Variants in FAT3 observed in about 807,000 individuals in gnomAD.
FAT3 encodes FAT atypical cadherin 3.
FAT3 carries 95 observed loss-of-function variants against 310.2 expected under a neutral mutation model. That is an observed-to-expected ratio of 0.31 (90% CI 0.26 to 0.36). The LOEUF (loss-of-function observed/expected upper bound fraction) is 0.36. FAT3 is among the 10% of genes least tolerant of loss of function. The pLI is 1.00. For missense variants in FAT3, 5,408 were observed against 5,715.6 expected (o/e 0.95, Z 1.74); for synonymous variants, 2,314 against 2,192.9 (o/e 1.06, Z -1.54).
intron 2 of FAT3, among the ~76,000 whole-genome samples, chr11:92,390,247 A>C (rs1413251849): frequency 6.6e-6 from 1 of 152,152 alleles, no homozygotes; most frequent in Non-Finnish European, 1.5e-5. Context: ...TCCTCCCAAG[A>C]CTAGGATCCT....
At chr11:92,288,650 A>G (rs1946616492) in intron 1 of FAT3, among the ~76,000 whole-genome samples, 1 of 152,184 alleles carries the variant, frequency 6.6e-6, no homozygotes, top group Non-Finnish European at 1.5e-5. Flanking sequence ...TATCTGTATT[A>G]TAAACTGACA....
At chr11:92,762,227 A>C (rs1344881880) in intron 5 of FAT3, 57 bp downstream of exon 5, 9 of 1,485,004 alleles carry the variant, frequency 6.1e-6, no homozygotes, top group Non-Finnish European at 7.3e-6. Flanking sequence ...TTATGTTCTT[A>C]TTCAAGTATA....
At chr11:92,249,967 A>G (rs1865072063) in intron 1 of FAT3, among the ~76,000 whole-genome samples, 1 of 152,130 alleles carries the variant, frequency 6.6e-6, no homozygotes, top group East Asian at 1.9e-4. Context: ...ATCTGTCATA[A>G]AGTGCTTCCC....
At chr11:92,620,537 A>G (rs1941037172) in intron 3 of FAT3, among the ~76,000 whole-genome samples, 1 of 152,200 alleles carries the variant, frequency 6.6e-6, no homozygotes, top group African/African-American at 2.4e-5. Context: ...AACTGTAGCA[A>G]TAATCTTGAT....
chr11:92,683,609 AT>A (rs1452337670), intron 3 of FAT3, among the ~76,000 whole-genome samples: 1 of 152,034 alleles, frequency 6.6e-6, no homozygotes, highest in Non-Finnish European at 1.5e-5. Flanking sequence ...ACATGTCTCT[AT>A]TTATTCAATT....
chr11:92,374,182 G>A (rs763519166), intron 2 of FAT3, among the ~76,000 whole-genome samples: 6 of 152,052 alleles, frequency 3.9e-5, no homozygotes, highest in African/African-American at 9.7e-5. Flanking sequence ...AGTCTCTTCC[G>A]AAACACCCTC....
chr11:92,829,949 A>G (rs1948199251), intron 13 of FAT3, among the ~76,000 whole-genome samples: 1 of 152,126 alleles, frequency 6.6e-6, no homozygotes. Context: ...GTACATTGGG[A>G]AAGTAAAATG....
rs933251775 is a variant in FAT3, at chr11:92,363,249, C to T, written c.3292+7845C>T. 3.3e-5 allele frequency among the ~76,000 whole-genome samples: 5 copies of T among 152,078 alleles called. No homozygotes were observed. The South Asian group carries it at 1.0e-3, about 32-fold the overall frequency. On this transcript the variant is annotated intron_variant, in intron 2 of 27. Transcript: ENST00000525166. Reference sequence around the variant, plus strand: ...CAGTGCTGAGTCTAATATTCTTTGTCCAAAGCCTCTAATCATCATAGTCAA... The same window carrying T: ...CAGTGCTGAGTCTAATATTCTTTGTTCAAAGCCTCTAATCATCATAGTCAA...
At chr11:92,561,250 C>CGTGTGTGTGTGTGT (rs66585879) in intron 3 of FAT3, among the ~76,000 whole-genome samples, 5 of 148,496 alleles carry the variant, frequency 3.4e-5, no homozygotes, top group Middle Eastern at 3.5e-3. Flanking sequence ...CCTTCTACTT[C>CGTGTGTGTGTGTGT]GTGTGTGTGT....
intron 2 of FAT3, among the ~76,000 whole-genome samples, chr11:92,512,079 C>T (rs1244634440): frequency 6.6e-6 from 1 of 152,084 alleles, no homozygotes; most frequent in Non-Finnish European, 1.5e-5. Context: ...TGCCACATTC[C>T]AGGCCTGACT....
chr11:92,494,607 C>T (rs553126462), intron 2 of FAT3, among the ~76,000 whole-genome samples: 12 of 151,878 alleles, frequency 7.9e-5, no homozygotes, highest in South Asian at 2.1e-4. Context: ...TAAGAGTTTC[C>T]GTTATCATAC....
At chr11:92,285,111 G>A (rs1946526679) in intron 1 of FAT3, among the ~76,000 whole-genome samples, 1 of 152,114 alleles carries the variant, frequency 6.6e-6, no homozygotes, top group Non-Finnish European at 1.5e-5. Flanking sequence ...AATATATCTA[G>A]AATATGAATT....
chr11:92,703,103 CAT>C (rs1258965737), intron 4 of FAT3, among the ~76,000 whole-genome samples: 2 of 152,214 alleles, frequency 1.3e-5, no homozygotes, highest in Non-Finnish European at 2.9e-5. Flanking sequence ...ACATACAACT[CAT>C]GTGAATAATT....
chr11:92,770,811 G>A (rs1248537258), intron 6 of FAT3, among the ~76,000 whole-genome samples: 4 of 152,134 alleles, frequency 2.6e-5, no homozygotes, highest in African/African-American at 9.7e-5. Context: ...ACGGCCCAGT[G>A]CTCCAATGCC....
intron 22 of FAT3, among the ~76,000 whole-genome samples, chr11:92,872,720 A>G (rs528441151): frequency 1.3e-5 from 2 of 152,242 alleles, no homozygotes; most frequent in Non-Finnish European, 2.9e-5. Flanking sequence ...GGCTTGGCCC[A>G]ATATACAATA....
intron 3 of FAT3, among the ~76,000 whole-genome samples, chr11:92,680,194 C>T (rs1467616736): frequency 2.6e-5 from 4 of 151,868 alleles, no homozygotes; most frequent in Non-Finnish European, 5.9e-5. Flanking sequence ...AACCAATACC[C>T]AGAAGAGTTT....
chr11:92,406,734 C>A (rs1431611631), intron 2 of FAT3: 1 of 152,172 alleles, frequency 6.6e-6, no homozygotes, highest in Non-Finnish European at 1.5e-5. Context: ...TAGATTTCAA[C>A]TCCTTTCCAG....
chr11:92,411,047 T>C (rs902396337), intron 2 of FAT3, among the ~76,000 whole-genome samples: 57 of 144,670 alleles, frequency 3.9e-4, no homozygotes, highest in African/African-American at 1.1e-3. Context: ...AAAATGTATA[T>C]AATATATATA....
At chr11:92,226,314 A>C (rs1863906033) in intron 1 of FAT3, among the ~76,000 whole-genome samples, 1 of 150,560 alleles carries the variant, frequency 6.6e-6, no homozygotes, top group South Asian at 2.1e-4. Flanking sequence ...CTTTTGTCAC[A>C]TGTGCTTTCC....
Sources: gnomAD v4.1 joint callset for allele counts (sites outside exome capture counted in the v4.1 genomes callset) on GRCh38, gnomAD v4.1.1 for gene constraint, MANE v1.5 for transcripts, NCBI Gene and HGNC (gene_info 2026-07-23, HGNC 2026-07-21) for gene names.